The following SVOP variants were observed in gnomAD, a reference collection of about 807,000 sequenced individuals.
The protein encoded by SVOP is synaptic vesicle 2-related protein.
Under a neutral mutation model 69.1 loss-of-function variants are expected in SVOP, and 17 were observed. The observed-to-expected ratio is 0.25, with a 90% CI of 0.17 to 0.37. The LOEUF is 0.37. Among genes scored for constraint, SVOP ranks in the 10% least tolerant of loss-of-function variants. The pLI, the probability that SVOP is intolerant of heterozygous loss-of-function variation, is 1.00. For synonymous variants in SVOP, 238 were observed against 238.6 expected (o/e 1.00, Z 0.02); for missense variants, 435 against 597.5 (o/e 0.73, Z 2.84).
At chr12:108,967,053 A>T (rs1261500735) in intron 5 of SVOP, among the ~76,000 whole-genome samples, 2 of 152,212 alleles carry the variant, frequency 1.3e-5, no homozygotes, top group Non-Finnish European at 2.9e-5. Flanking sequence ...CCACCTACAG[A>T]TGAGAAAACT....
In SVOP at chr12:108,984,200, T is replaced by C. The variant is rs2040155891; in HGVS notation, c.36-439A>G. ...TTAAAGTGGATGCCATTTTTTAGAA[T>C]AGAGACAAGGTTTCACTATGTTGCC... On this transcript the variant is annotated intron_variant, in intron 1 of 15. Transcript: ENST00000610966. 1.3e-5 allele frequency among the ~76,000 whole-genome samples: 2 copies of C among 152,328 alleles called. 1 individual carries two copies. The highest frequency in any genetic ancestry group is 4.1e-4 in the South Asian group (2 of 4,824).
chr12:108,931,832 C>CAA (rs34806582), intron 11 of SVOP, among the ~76,000 whole-genome samples: 4 of 126,520 alleles, frequency 3.2e-5, no homozygotes, highest in South Asian at 2.4e-4. Flanking sequence ...GACTCCGTCT[C>CAA]AAAAAAAAAA....
intron 1 of SVOP, among the ~76,000 whole-genome samples, chr12:109,009,865 A>G (rs986688240): frequency 6.6e-6 from 1 of 152,134 alleles, no homozygotes; most frequent in African/African-American, 2.4e-5. Flanking sequence ...CCTACAATGC[A>G]TAGGACAGCC....
intron 10 of SVOP, among the ~76,000 whole-genome samples, chr12:108,936,023 T>TACACAC (rs144380662): frequency 0.035 from 5,029 of 144,632 alleles, 278 homozygotes; most frequent in African/African-American, 0.12. Flanking sequence ...ATAGTATAAA[T>TACACAC]ACACACACAC....
At chr12:108,995,823 T>C (rs1441325877) in intron 1 of SVOP, among the ~76,000 whole-genome samples, 2 of 151,170 alleles carry the variant, frequency 1.3e-5, no homozygotes, top group Non-Finnish European at 1.5e-5. Flanking sequence ...ATCGCTTGAA[T>C]CTGGGAGGGG....
At chr12:109,020,789 T>A (rs1435485495) in intron 1 of SVOP, 45 bp downstream of exon 1, 2 of 464,662 alleles carry the variant, frequency 4.3e-6, no homozygotes, top group Non-Finnish European at 4.3e-6. Flanking sequence ...TTTCGTTTTT[T>A]AAAAGAAAGC....
intron 1 of SVOP, among the ~76,000 whole-genome samples, chr12:108,986,111 C>T (rs932642667): frequency 1.3e-5 from 2 of 152,204 alleles, no homozygotes; most frequent in African/African-American, 4.8e-5. Context: ...TAACATTTCA[C>T]CCCCTCTACC....
At chr12:108,985,279 GGAAGAAAGAA>G (rs2040160587) in intron 1 of SVOP, among the ~76,000 whole-genome samples, 1 of 143,090 alleles carries the variant, frequency 7.0e-6, no homozygotes, top group Non-Finnish European at 1.5e-5. Context: ...GAGAGGAGAA[GGAAGAAAGAA>G]GAAGAAAGAG....
chr12:108,954,273 A>G (rs751179597), intron 6 of SVOP, among the ~76,000 whole-genome samples: 1 of 152,148 alleles, frequency 6.6e-6, no homozygotes, highest in Non-Finnish European at 1.5e-5. Flanking sequence ...TACCTGTAAA[A>G]TGGAGATGAT....
chr12:108,988,135 G>T (rs1205354075), intron 1 of SVOP, among the ~76,000 whole-genome samples: 2 of 151,940 alleles, frequency 1.3e-5, no homozygotes, highest in Admixed American at 1.3e-4. Context: ...ATGTTGGCCA[G>T]GCTGATCTTG....
chr12:108,917,156 A>C (rs1959185063), intron 14 of SVOP, among the ~76,000 whole-genome samples: 1 of 152,254 alleles, frequency 6.6e-6, no homozygotes. Context: ...CAGTGTAGAA[A>C]GCTTGCAAAG....
chr12:108,973,369 T>A (rs2040089756), intron 4 of SVOP, among the ~76,000 whole-genome samples: 1 of 134,298 alleles, frequency 7.4e-6, no homozygotes, highest in African/African-American at 2.7e-5. Context: ...AAGCAGACAG[T>A]TTATGTATGT....
chr12:108,907,841 ACTTGCCACGTTATGAT>A lies in SVOP; in HGVS notation c.*4678_*4693del, dbSNP rs2039658331. The stretch of plus-strand genomic sequence containing the variant: ...GCTGGATATTCCATGCATACTGACC[ACTTGCCACGTTATGAT>A]CTGTAAGAGAGTTCTGATGAATAGA... On this transcript the variant is annotated 3_prime_UTR_variant, in exon 16 of 16. Transcript: ENST00000610966. 6.6e-6 allele frequency: 1 copy of A among 152,276 alleles called. No individual in the cohort carries two copies. Among genetic ancestry groups the A allele is most frequent in the African/African-American group, 2.4e-5 (1 of 41,470 alleles). 9.4% of individuals were successfully genotyped at this position (152,276 alleles called of 1,614,324 possible).
At chr12:108,946,690 T>TTA (rs2039925081) in intron 6 of SVOP, among the ~76,000 whole-genome samples, 1 of 136,526 alleles carries the variant, frequency 7.3e-6, no homozygotes, top group African/African-American at 2.7e-5. Context: ...GCAACCTGTT[T>TTA]TTATTATTAT....
chr12:108,974,129 C>CT (rs937266915), intron 4 of SVOP, among the ~76,000 whole-genome samples: 2 of 152,004 alleles, frequency 1.3e-5, no homozygotes, highest in African/African-American at 2.4e-5. Flanking sequence ...TTCCTCAAAA[C>CT]TTTTTTTTAT....
Position 108,935,086 on chromosome 12 carries a change from G to C in SVOP, c.972-815C>G, listed in dbSNP as rs112094481. Among the ~76,000 whole-genome samples the C allele has an allele frequency of 6.6e-4, 101 of 152,272 alleles. 1 individual carries two copies. The highest frequency in any genetic ancestry group is 6.8e-3 in the Middle Eastern group (2 of 294). ...TATACAAGAGACACAACACCTCCAA[G>C]GCTGTCTACCCAACTGGCAATAGGG... On this transcript the variant is annotated intron_variant, in intron 10 of 15. Transcript: ENST00000610966.
chr12:108,913,262 T>C (rs1271403645), intron 15 of SVOP, among the ~76,000 whole-genome samples: 2 of 152,108 alleles, frequency 1.3e-5, no homozygotes, highest in Non-Finnish European at 2.9e-5. Flanking sequence ...GGTTTCTCCA[T>C]GTTGGTCAGG....
At chr12:108,967,610 A>G (rs1418620265) in intron 5 of SVOP, among the ~76,000 whole-genome samples, 2 of 152,202 alleles carry the variant, frequency 1.3e-5, no homozygotes, top group African/African-American at 4.8e-5. Context: ...ACTTGGCGAT[A>G]TTGTTTGCAC....
intron 15 of SVOP, among the ~76,000 whole-genome samples, chr12:108,914,571 CT>C (rs768877233): frequency 2.0e-5 from 3 of 151,092 alleles, no homozygotes; most frequent in African/African-American, 7.3e-5. Context: ...GTTTTCTTTC[CT>C]TTTTTTTTCT....
Sources: allele counts gnomAD v4.1 joint callset (sites outside exome capture counted in the v4.1 genomes callset), GRCh38; gene constraint gnomAD v4.1.1; transcripts MANE v1.5; gene names NCBI Gene and HGNC (gene_info 2026-07-23, HGNC 2026-07-21).